PCDHGC5: variants seen among roughly 807,000 people sequenced by gnomAD.
PCDHGC5 encodes protocadherin gamma subfamily C, 5.
In PCDHGC5, 25 loss-of-function variants were observed where a neutral mutation model predicts 59.0. That is an observed-to-expected ratio of 0.42 (90% CI 0.31 to 0.59). PCDHGC5 has a LOEUF of 0.59. Among genes scored for constraint, PCDHGC5 ranks in the 20% least tolerant of loss-of-function variants. The pLI is 0.13. For synonymous variants in PCDHGC5, 434 were observed against 505.5 expected (o/e 0.86, Z 1.90); for missense variants, 1,067 against 1,206.4 (o/e 0.88, Z 1.71).
At chr5:141,494,991 G>A in intron 2 of PCDHGC5, 126 bp downstream of exon 2, 1 of 1,551,148 alleles carries the variant, frequency 6.4e-7, no homozygotes, top group Non-Finnish European at 8.7e-7. Context: ...AGATCCCAGG[G>A]AGGTCTTGGT....
chr5:141,506,277 T>C (rs905595521), intron 3 of PCDHGC5, among the ~76,000 whole-genome samples: 1 of 152,050 alleles, frequency 6.6e-6, no homozygotes. Flanking sequence ...AGTGAAACCC[T>C]GTCTCTACTA....
chr5:141,490,497 C>G lies in PCDHGC5; in HGVS notation c.1257C>G (p.His419Gln). ...SQPLDREATSHYIIELLASDA... is the reference protein window; with the variant it reads ...SQPLDREATSQYIIELLASDA... The stretch of plus-strand genomic sequence containing the variant: ...CTTTGGACCGGGAGGCCACATCCCA[C>G]TATATCATCGAGCTGCTGGCCAGCG... Residue 419 changes from histidine (H) to glutamine (Q), a missense_variant, in exon 1 of 4, where the codon CAC becomes CAG. By Grantham distance (24) the His-to-Gln change is conservative (BLOSUM62 0). Transcript: ENST00000252087. The surrounding 1 kb of genome is among the most constrained non-coding windows in gnomAD (Gnocchi z 5.4). 6.2e-7 allele frequency: 1 copy of G among 1,614,196 alleles called. No individual in the cohort carries two copies. Among genetic ancestry groups the G allele is most frequent in the South Asian group, 1.1e-5 (1 of 91,084 alleles).
chr5:141,500,434 C>T (rs1216731905), intron 2 of PCDHGC5, among the ~76,000 whole-genome samples: 1 of 152,014 alleles, frequency 6.6e-6, no homozygotes, highest in Non-Finnish European at 1.5e-5. Flanking sequence ...TGGTCTCGAT[C>T]TCCTGACCTC....
At chr5:141,492,468 G>A (rs927514972) in intron 1 of PCDHGC5, among the ~76,000 whole-genome samples, 1 of 152,232 alleles carries the variant, frequency 6.6e-6, no homozygotes, top group Admixed American at 6.5e-5. Flanking sequence ...GAGGGTCCCA[G>A]ATCGCGGCCG....
At position 141,490,440 on chromosome 5, in the gene PCDHGC5, T is replaced by C. The variant is rs560525159; in HGVS notation, c.1200T>C (p.Ser400=). Residue 400 remains serine, a synonymous_variant, in exon 1 of 4, where the codon TCT becomes TCC. Transcript: ENST00000252087. This position sits in a 1 kb window ranked among gnomAD's most constrained non-coding sequence, Gnocchi z 5.4. ...ACCTGCCATTTCAGATTAAGCCTTC[T>C]GAGAACCACTACTCGCTGCTAACCA... ...SPDLPFQIKP[S]ENHYSLLTSQ... 7 of 1,614,206 alleles carry C rather than the reference T, an allele frequency of 4.3e-6. No homozygotes were observed. Among genetic ancestry groups the C allele is most frequent in the Non-Finnish European group, 5.9e-6 (7 of 1,180,040 alleles).
At chr5:141,501,326 CACACACA>C (rs1562200783) in intron 2 of PCDHGC5, among the ~76,000 whole-genome samples, 10 of 151,784 alleles carry the variant, frequency 6.6e-5, no homozygotes, top group African/African-American at 1.9e-4. Flanking sequence ...CACACACACA[CACACACA>C]CCCCAAACTC....
chr5:141,494,656 C>CT, intron 1 of PCDHGC5, 151 bp from the exon 2 acceptor site: 1 of 1,478,476 alleles, frequency 6.8e-7, no homozygotes, highest in Non-Finnish European at 9.1e-7. Flanking sequence ...TGTATTTTGT[C>CT]TTTGGAGATG....
rs1275819200 is a variant in PCDHGC5, at chr5:141,491,620, A to G, written c.2380A>G (p.Ser794Gly). 5 of 1,613,788 alleles carry G rather than the reference A, an allele frequency of 3.1e-6. No individual in the cohort carries two copies. Among genetic ancestry groups the G allele is most frequent in the Non-Finnish European group, 4.2e-6 (5 of 1,180,014 alleles). Residue 794 changes from serine to glycine, a missense_variant, in exon 1 of 4, where the codon AGC (serine) becomes GGC (glycine). By Grantham distance (56) the Ser-to-Gly change is moderately conservative. Coordinates refer to ENST00000252087, the MANE Select transcript of PCDHGC5 (RefSeq NM_018929.3). The surrounding 1 kb of genome is among the most constrained non-coding windows in gnomAD (Gnocchi z 6.9). ...GSDFTFLRPL[S>G]VQQPTALALE... is the part of the protein sequence containing the mutation. ...TGACTTCACTTTTCTAAGACCCCTC[A>G]GCGTTCAGCAGCCCACAGCTCTGGC...
chr5:141,502,750 A>G (rs974131144), intron 2 of PCDHGC5, among the ~76,000 whole-genome samples: 3 of 151,928 alleles, frequency 2.0e-5, no homozygotes, highest in Non-Finnish European at 4.4e-5. Context: ...TTCCTTCTAC[A>G]TGTATTTGCT....
At position 141,490,108 on chromosome 5, in the gene PCDHGC5, C is replaced by T. The variant is rs566655929; in HGVS notation, c.868C>T (p.Arg290Trp). 1.4e-5 allele frequency: 22 copies of T among 1,614,244 alleles called. No individual in the cohort carries two copies. Among genetic ancestry groups the T allele is most frequent in the South Asian group, 5.5e-5 (5 of 91,090 alleles). ...SFGDHTSEAV[R>W]NLFGLDPSSG... The stretch of plus-strand genomic sequence containing the variant: ...TGGAGACCACACATCTGAGGCAGTG[C>T]GGAACCTCTTTGGCCTAGACCCTAG... Residue 290 changes from arginine (R) to tryptophan (W), a missense_variant, in exon 1 of 4, where the codon CGG becomes TGG. Coordinates refer to ENST00000252087, the MANE Select transcript of PCDHGC5 (RefSeq NM_018929.3). This position sits in a 1 kb window ranked among gnomAD's most constrained non-coding sequence, Gnocchi z 5.4.
At chr5:141,495,102 C>A (rs1344771035) in intron 2 of PCDHGC5, among the ~76,000 whole-genome samples, 3 of 152,160 alleles carry the variant, frequency 2.0e-5, no homozygotes, top group Non-Finnish European at 4.4e-5. Flanking sequence ...CTCGCCACGA[C>A]CGGCACCTTT....
rs561329093 is a variant in PCDHGC5 at position 141,509,163 on chromosome 5, C to A, written c.2609-1784C>A. Among the ~76,000 whole-genome samples the A allele has an allele frequency of 1.4e-4, 21 of 152,322 alleles. No individual in the cohort carries two copies. In the South Asian group the frequency reaches 4.1e-3, roughly 30 times the overall value. On this transcript the variant is annotated intron_variant, in intron 3 of 3. Coordinates refer to ENST00000252087, the MANE Select transcript of PCDHGC5 (RefSeq NM_018929.3). ...CATCCCGGCTCTCCCCTCCCGTGTG[C>A]CCTCCTCCTCTTATGCCGGCTTGAA...
chr5:141,504,578 TGCCCAGGATTCACAGCAA>T (rs2099839274), intron 2 of PCDHGC5, among the ~76,000 whole-genome samples: 1 of 148,500 alleles, frequency 6.7e-6, no homozygotes, highest in African/African-American at 2.5e-5. Flanking sequence ...GAACACCATC[TGCCCAGGATTCACAGCAA>T]GAGGGAACTT....
In PCDHGC5 at chr5:141,491,091, A is replaced by T; in HGVS notation, c.1851A>T (p.Gly617=). ...YSLLPQSTAP[G]LFLVSTHTGE... is the part of the protein sequence containing the mutation. ...TGTTGCCACAGTCCACAGCCCCAGG[A>T]CTGTTCCTCGTGTCTACACACACTG... The change falls in exon 1 of 4, where the codon GGA becomes GGT. Residue 617 remains glycine (G), a synonymous_variant. Transcript: ENST00000252087. This position sits in a 1 kb window ranked among gnomAD's most constrained non-coding sequence, Gnocchi z 6.9. The T allele has an allele frequency of 6.2e-7, 1 of 1,614,032 alleles. No individual in the cohort carries two copies. Among genetic ancestry groups the T allele is most frequent in the Non-Finnish European group, 8.5e-7 (1 of 1,180,000 alleles).
At position 141,491,039 on chromosome 5, in the gene PCDHGC5, G is replaced by T; in HGVS notation, c.1799G>T (p.Gly600Val). 1 of 1,614,180 alleles carries T rather than the reference G, an allele frequency of 6.2e-7. No individual in the cohort carries two copies. The highest frequency in any genetic ancestry group is 1.1e-5 in the South Asian group (1 of 91,090). ...TKVTAVDADA[G>V]HNAWLSYSLL... is the part of the protein sequence containing the mutation. ...GTGACAGCCGTGGATGCTGATGCAGGCCACAATGCGTGGCTCTCCTACTCA... is the reference window on the plus strand; with the variant it reads ...GTGACAGCCGTGGATGCTGATGCAGTCCACAATGCGTGGCTCTCCTACTCA... The change falls in exon 1 of 4, where the codon GGC becomes GTC. Residue 600 changes from glycine to valine, a missense_variant. Gly to Val is a moderately radical substitution (Grantham distance 109). Transcript: ENST00000252087. The surrounding 1 kb of genome is among the most constrained non-coding windows in gnomAD (Gnocchi z 6.9).
intron 1 of PCDHGC5, chr5:141,492,005 C>A (rs1444993907): frequency 3.1e-6 from 2 of 642,268 alleles, no homozygotes; most frequent in African/African-American, 3.8e-5. Flanking sequence ...GGGCGATTTC[C>A]GCGGGTGTCG....
chr5:141,494,142 A>G (rs2099752161), intron 1 of PCDHGC5, among the ~76,000 whole-genome samples: 1 of 152,090 alleles, frequency 6.6e-6, no homozygotes, highest in South Asian at 2.1e-4. Context: ...TTAGTCACAG[A>G]CCATTGTCTG....
chr5:141,503,616 A>G (rs1260134621), intron 2 of PCDHGC5, among the ~76,000 whole-genome samples: 2 of 150,944 alleles, frequency 1.3e-5, no homozygotes, highest in African/African-American at 2.4e-5. Context: ...AAAAAAAAAG[A>G]AAAAAGAAAA....
chr5:141,495,818 GTTC>G (rs2099764072), intron 2 of PCDHGC5, among the ~76,000 whole-genome samples: 1 of 151,904 alleles, frequency 6.6e-6, no homozygotes, highest in South Asian at 2.1e-4. Context: ...AGCGCCTTGT[GTTC>G]TTCTATCCCC....
Sources: gnomAD v4.1 joint callset for allele counts (sites outside exome capture counted in the v4.1 genomes callset) on GRCh38, gnomAD v4.1.1 for gene constraint, Gnocchi (gnomAD v3.1) non-coding constraint, MANE v1.5 for transcripts, NCBI Gene and HGNC (gene_info 2026-07-23, HGNC 2026-07-21) for gene names.